The following ARK2C variants were observed in gnomAD, a reference collection of about 807,000 sequenced individuals.
The protein encoded by ARK2C is arkadia (RNF111) C-terminal like ring finger ubiquitin ligase 2C.
At chr18:46,351,661 T>C in the ARK2C span, among the ~76,000 whole-genome samples, 1 of 152,114 alleles carries the variant, frequency 6.6e-6, no homozygotes, top group Non-Finnish European at 1.5e-5. Flanking sequence ...CTGATGTTGA[T>C]CTTTGAGTTA....
At chr18:46,400,932 T>G in the ARK2C span, among the ~76,000 whole-genome samples, 18,357 of 151,856 alleles carry the variant, frequency 0.12, 1,261 homozygotes, top group East Asian at 0.28. Flanking sequence ...ACTGGGCAGG[T>G]GGAAGTGGTG....
At chr18:46,450,590 T>G in the ARK2C span, 2 of 864,640 alleles carry the variant, frequency 2.3e-6, no homozygotes, top group Non-Finnish European at 3.8e-6. Context: ...GAGTTCTTCC[T>G]GATAGCTATG....
chr18:46,382,226 G>A, the ARK2C span, among the ~76,000 whole-genome samples: 2 of 152,094 alleles, frequency 1.3e-5, no homozygotes, highest in Admixed American at 6.5e-5. Context: ...CTCCTGCTGA[G>A]GACAGGTCCC....
At chr18:46,436,954 AC>A in the ARK2C span, among the ~76,000 whole-genome samples, 2 of 152,338 alleles carry the variant, frequency 1.3e-5, no homozygotes, top group African/African-American at 4.8e-5. Context: ...GTGGGACTGA[AC>A]AGGTGACATA....
chr18:46,334,336 G>A, the ARK2C span: 1 of 1,584,236 alleles, frequency 6.3e-7, no homozygotes, highest in East Asian at 2.4e-5. This position sits in a 1 kb window ranked among gnomAD's most constrained non-coding sequence, Gnocchi z 4.4. Context: ...CGAAACAGAG[G>A]TATCGCTTTT....
the ARK2C span, among the ~76,000 whole-genome samples, chr18:46,396,041 C>A: frequency 2.0e-5 from 3 of 152,190 alleles, no homozygotes; most frequent in Admixed American, 6.5e-5. Context: ...CATGGTCCAG[C>A]AGGTTAGCTC....
At chr18:46,347,571 T>A in the ARK2C span, among the ~76,000 whole-genome samples, 2 of 152,116 alleles carry the variant, frequency 1.3e-5, no homozygotes, top group Non-Finnish European at 2.9e-5. Context: ...GGGTACTCAT[T>A]CTTACCTGCC....
At chr18:46,428,567 T>C in the ARK2C span, among the ~76,000 whole-genome samples, 2 of 152,060 alleles carry the variant, frequency 1.3e-5, no homozygotes, top group East Asian at 3.9e-4. Context: ...TCCTATAGAG[T>C]TGCACTGTCC....
At chr18:46,397,182 G>A in the ARK2C span, among the ~76,000 whole-genome samples, 1 of 152,194 alleles carries the variant, frequency 6.6e-6, no homozygotes, top group Admixed American at 6.5e-5. Context: ...GAGGAGGGTT[G>A]GCCTTAGGTA....
At chr18:46,385,166 A>G in the ARK2C span, among the ~76,000 whole-genome samples, 1 of 152,170 alleles carries the variant, frequency 6.6e-6, no homozygotes, top group Non-Finnish European at 1.5e-5. Flanking sequence ...CTGTTGGGTT[A>G]GAGAATATGT....
chr18:46,384,206 C>A, the ARK2C span, among the ~76,000 whole-genome samples: 1 of 152,156 alleles, frequency 6.6e-6, no homozygotes, highest in Non-Finnish European at 1.5e-5. Context: ...TGGGCCAACC[C>A]CTCCCTCCAT....
the ARK2C span, chr18:46,433,389 C>T: frequency 6.2e-7 from 1 of 1,613,414 alleles, no homozygotes; most frequent in Non-Finnish European, 8.5e-7. Flanking sequence ...CGCTGCCCAC[C>T]CTGCAGTTCC....
chr18:46,415,443 G>A, the ARK2C span, among the ~76,000 whole-genome samples: 52 of 151,934 alleles, frequency 3.4e-4, no homozygotes, highest in Non-Finnish European at 4.3e-4. Flanking sequence ...GAAGAATGGC[G>A]TGGACCTGGG....
At chr18:46,340,553 T>A in the ARK2C span, among the ~76,000 whole-genome samples, 2 of 152,208 alleles carry the variant, frequency 1.3e-5, no homozygotes, top group African/African-American at 4.8e-5. Flanking sequence ...GTCTAAGATG[T>A]TCTGGGCCAA....
the ARK2C span, among the ~76,000 whole-genome samples, chr18:46,351,157 A>G: frequency 8.3e-3 from 1,266 of 152,322 alleles, 6 homozygotes; most frequent in Non-Finnish European, 0.013. Context: ...GAGGCCCTGG[A>G]AGATCACCCT....
the ARK2C span, among the ~76,000 whole-genome samples, chr18:46,422,193 T>C: frequency 6.6e-6 from 1 of 152,180 alleles, no homozygotes; most frequent in Non-Finnish European, 1.5e-5. Flanking sequence ...TGGTGTGTAG[T>C]CAAGTAGTTA....
the ARK2C span, among the ~76,000 whole-genome samples, chr18:46,408,130 G>T: frequency 6.6e-6 from 1 of 152,192 alleles, no homozygotes; most frequent in Non-Finnish European, 1.5e-5. Flanking sequence ...CGGGGCAGTG[G>T]ATTGGAGTCA....
the ARK2C span, among the ~76,000 whole-genome samples, chr18:46,423,653 C>G: frequency 6.6e-6 from 1 of 152,164 alleles, no homozygotes; most frequent in South Asian, 2.1e-4. Context: ...CACTGCAGCA[C>G]TGGGACTCAG....
At chr18:46,386,358 A>G in the ARK2C span, 1 of 152,198 alleles carries the variant, frequency 6.6e-6, no homozygotes, top group African/African-American at 2.4e-5. Flanking sequence ...TCAAATATAT[A>G]GTCATTTCAT....
Sources: gnomAD v4.1 joint callset for allele counts (sites outside exome capture counted in the v4.1 genomes callset) on GRCh38, gnomAD v4.1.1 for gene constraint, Gnocchi (gnomAD v3.1) non-coding constraint, MANE v1.5 for transcripts, NCBI Gene and HGNC (gene_info 2026-07-23, HGNC 2026-07-21) for gene names.